The following TTC31 variants were observed in gnomAD, a reference collection of about 807,000 sequenced individuals.
TTC31 encodes tetratricopeptide repeat domain 31, also known as tetratricopeptide repeat protein 31.
In TTC31, 59 loss-of-function variants were observed where a neutral mutation model predicts 60.4. The ratio of observed to expected loss-of-function variants is 0.98; its 90% CI spans 0.79 to 1.21. TTC31 has a LOEUF of 1.21. Among genes scored for constraint, TTC31 ranks in the 50% most tolerant of loss-of-function variants. The pLI is 0.00. For missense variants in TTC31, 672 were observed against 646.9 expected (o/e 1.04, Z -0.42); for synonymous variants, 225 against 249.6 (o/e 0.90, Z 0.93).
chr2:74,483,157 G>A (rs749697429), intron 1 of TTC31, 22 bp downstream of exon 1: 1 of 1,614,224 alleles, frequency 6.2e-7, no homozygotes, highest in South Asian at 1.1e-5. Context: ...GACAAGACCA[G>A]TGGGGGTCTA....
chr2:74,491,423 C>T lies in TTC31; in HGVS notation c.684+48C>T, dbSNP rs769057833. The stretch of plus-strand genomic sequence containing the variant: ...CTTGGTCTCTGCTCATTTTCCTCCT[C>T]CTCCTCCAGAATGTACTTCATCCCC... On this transcript the variant is annotated intron_variant, in intron 7 of 12. Coordinates refer to ENST00000233623, the MANE Select transcript of TTC31 (RefSeq NM_022492.6). 9.9e-6 allele frequency: 16 copies of T among 1,613,998 alleles called. No homozygotes were observed. In the South Asian group the frequency reaches 1.8e-4, roughly 18 times the overall value.
chr2:74,487,305 A>G (rs1457153144), intron 2 of TTC31, among the ~76,000 whole-genome samples: 1 of 151,906 alleles, frequency 6.6e-6, no homozygotes, highest in Admixed American at 6.6e-5. Flanking sequence ...CACAACCTCC[A>G]CTTCCCAGTT....
At chr2:74,488,783 G>A (rs753366780) in intron 2 of TTC31, among the ~76,000 whole-genome samples, 3 of 152,080 alleles carry the variant, frequency 2.0e-5, no homozygotes, top group South Asian at 2.1e-4. Context: ...AAAAATAGTC[G>A]GCCGGGCACA....
In TTC31 at chr2:74,493,472, A is replaced by G; in HGVS notation, c.*254A>G. 2.0e-6 allele frequency: 1 copy of G among 489,376 alleles called. No individual in the cohort carries two copies. Among genetic ancestry groups the G allele is most frequent in the Admixed American group, 3.6e-5 (1 of 28,064 alleles). The allele number at this position is 489,376 out of a possible 1,614,324, so 30.3% of individuals were successfully genotyped here. On this transcript the variant is annotated 3_prime_UTR_variant, in exon 13 of 13. Transcript: ENST00000233623. ...AAAATAAAACCCACCAAGGCTCAAG[A>G]AGGGAACTATAGAAAAGTTCAGGTT... is the stretch of plus-strand genomic sequence containing the variant.
chr2:74,491,313 G>A lies in TTC31; in HGVS notation c.622G>A (p.Gly208Arg). The A allele has an allele frequency of 6.2e-7, 1 of 1,614,122 alleles. No homozygotes were observed. The highest frequency in any genetic ancestry group is 1.1e-5 in the South Asian group (1 of 91,084). Residue 208 changes from glycine to arginine, a missense_variant, in exon 7 of 13, where the codon GGA becomes AGA. Physicochemically the swap from Gly to Arg is moderately radical, Grantham distance 125 (BLOSUM62 -2). Coordinates refer to ENST00000233623, the MANE Select transcript of TTC31 (RefSeq NM_022492.6). ...GEPKASTTSD[G>R]DESPPSSPGN... Reference sequence around the variant, plus strand: ...CTTCCAGGCCAGCACTACCTCAGATGGAGATGAGAGCCCCCCATCCAGCCC... The same window carrying A: ...CTTCCAGGCCAGCACTACCTCAGATAGAGATGAGAGCCCCCCATCCAGCCC...
At chr2:74,490,845 ACT>A in intron 5 of TTC31, 106 bp downstream of exon 5, 2 of 1,211,270 alleles carry the variant, frequency 1.7e-6, no homozygotes, top group South Asian at 1.5e-5. Flanking sequence ...CCTGCAGTGG[ACT>A]CTCTTGCCAG....
intron 2 of TTC31, among the ~76,000 whole-genome samples, chr2:74,485,916 T>C (rs1181114314): frequency 6.6e-6 from 1 of 152,004 alleles, no homozygotes; most frequent in Non-Finnish European, 1.5e-5. Context: ...CTCAGCACTA[T>C]TTCATTTGAT....
chr2:74,493,370 C>A lies in TTC31; in HGVS notation c.*152C>A. The A allele has an allele frequency of 1.2e-6, 1 of 819,712 alleles. No individual in the cohort carries two copies. Among genetic ancestry groups the A allele is most frequent in the Non-Finnish European group, 1.8e-6 (1 of 542,730 alleles). The allele number at this position is 819,712 out of a possible 1,614,324, so 50.8% of individuals were successfully genotyped here. ...AGTCATTCCTCTTGCCATGGGGAAG[C>A]TTCTGATGAGAGAAAGGAGCCCCAC... On this transcript the variant is annotated 3_prime_UTR_variant, in exon 13 of 13. Coordinates refer to ENST00000233623, the MANE Select transcript of TTC31 (RefSeq NM_022492.6).
At chr2:74,490,573 T>C in intron 4 of TTC31, 83 bp from the exon 5 acceptor site, 1 of 1,547,668 alleles carries the variant, frequency 6.5e-7, no homozygotes, top group Non-Finnish European at 8.8e-7. Flanking sequence ...TTCAAGATCC[T>C]TCTATACTGC....
chr2:74,487,879 C>T lies in TTC31; in HGVS notation c.130-2146C>T, dbSNP rs150053490. On this transcript the variant is annotated intron_variant, in intron 2 of 12. Coordinates refer to ENST00000233623, the MANE Select transcript of TTC31 (RefSeq NM_022492.6). ...ATCTTTAGTATAGATGGGGTTTCGC[C>T]ATGTTGGCCAGGCTGGTCTAAAACT... Among the ~76,000 whole-genome samples, 19 of 152,148 alleles carry T rather than the reference C, an allele frequency of 1.2e-4. No individual in the cohort carries two copies. In the East Asian group the frequency reaches 3.5e-3, roughly 28 times the overall value.
At chr2:74,491,211 G>T (rs1397012898) in intron 6 of TTC31, 27 bp downstream of exon 6, 1 of 1,614,154 alleles carries the variant, frequency 6.2e-7, no homozygotes, top group South Asian at 1.1e-5. Flanking sequence ...GGTACTAAGA[G>T]CACCAAGTGC....
In TTC31 at chr2:74,490,960, C is replaced by T; in HGVS notation, c.547-168C>T. On this transcript the variant is annotated intron_variant, in intron 5 of 12. Coordinates refer to ENST00000233623, the MANE Select transcript of TTC31 (RefSeq NM_022492.6). ...GCCTAGGTAGGAATCTGCCTCCTTA[C>T]ATGAGGCCTCTTGCTGGTGCCTCTC... 8.3e-6 allele frequency: 8 copies of T among 963,802 alleles called. No individual in the cohort carries two copies. In the South Asian group the frequency reaches 1.1e-4, roughly 13 times the overall value. 59.7% of individuals were successfully genotyped at this position (963,802 alleles called of 1,614,324 possible).
In TTC31 at chr2:74,492,196, C is replaced by T. The variant is rs757714414; in HGVS notation, c.986C>T (p.Thr329Ile). 2 of 1,614,256 alleles carry T rather than the reference C, an allele frequency of 1.2e-6. No individual in the cohort carries two copies. The highest frequency in any genetic ancestry group is 2.2e-5 in the South Asian group (2 of 91,090). ...TACCATGAGGCCGTGGTCCTCTTCA[C>T]CCAGGCCTTGAAGCTCAACCCCCAG... Reference protein sequence around the residue: ...GFYHEAVVLFTQALKLNPQDH... With the variant: ...GFYHEAVVLFIQALKLNPQDH... The change falls in exon 10 of 13, where the codon ACC (threonine) becomes ATC (isoleucine). Residue 329 changes from threonine (T) to isoleucine (I), a missense_variant. Physicochemically the swap from Thr to Ile is moderately conservative, Grantham distance 89 (BLOSUM62 -1). Coordinates refer to ENST00000233623, the MANE Select transcript of TTC31 (RefSeq NM_022492.6).
Position 74,491,275 on chromosome 2 carries a change from C to G in TTC31, c.604-20C>G, listed in dbSNP as rs771654124. 5 of 1,614,134 alleles carry G rather than the reference C, an allele frequency of 3.1e-6. No individual in the cohort carries two copies. Among genetic ancestry groups the G allele is most frequent in the Non-Finnish European group, 4.2e-6 (5 of 1,180,000 alleles). On this transcript the variant is annotated intron_variant, in intron 6 of 12. Coordinates refer to ENST00000233623, the MANE Select transcript of TTC31 (RefSeq NM_022492.6). ...AGCTCAAGGTGATCCCAACTCTGTA[C>G]CTGTCTATCTTTCTTCCAGGCCAGC...
At chr2:74,484,420 A>G (rs530524693) in intron 2 of TTC31, among the ~76,000 whole-genome samples, 1 of 152,048 alleles carries the variant, frequency 6.6e-6, no homozygotes, top group South Asian at 2.1e-4. Flanking sequence ...GACTTAGCAC[A>G]GGGGTTTGGA....
At chr2:74,491,433 A>G (rs1241517061) in intron 7 of TTC31, 48 bp from the exon 8 acceptor site, 1 of 1,613,508 alleles carries the variant, frequency 6.2e-7, no homozygotes, top group Non-Finnish European at 8.5e-7. Flanking sequence ...CCTCCTCCAG[A>G]ATGTACTTCA....
At chr2:74,487,650 A>G (rs1352365310) in intron 2 of TTC31, among the ~76,000 whole-genome samples, 2 of 151,788 alleles carry the variant, frequency 1.3e-5, no homozygotes, top group Non-Finnish European at 2.9e-5. Context: ...TGGGGCAGAG[A>G]GCATGCTTTA....
chr2:74,490,943 A>T, intron 5 of TTC31, 185 bp from the exon 6 acceptor site: 3 of 914,456 alleles, frequency 3.3e-6, no homozygotes, highest in Non-Finnish European at 5.1e-6. Flanking sequence ...CTGCCTAGGT[A>T]GGAATCTGCC....
intron 12 of TTC31, 42 bp from the exon 13 acceptor site, chr2:74,492,880 G>T (rs1674096132): frequency 1.3e-6 from 2 of 1,580,506 alleles, no homozygotes; most frequent in Admixed American, 1.7e-5. Context: ...GGGCTCTCCT[G>T]CTTAAAAGAA....
Sources: gnomAD v4.1 joint callset for allele counts (sites outside exome capture counted in the v4.1 genomes callset) on GRCh38, gnomAD v4.1.1 for gene constraint, MANE v1.5 for transcripts, NCBI Gene and HGNC (gene_info 2026-07-23, HGNC 2026-07-21) for gene names.